Variants in FAF1 observed in about 807,000 individuals in gnomAD.
FAF1 encodes Fas associated factor 1.
FAF1 carries 25 observed loss-of-function variants against 92.5 expected under a neutral mutation model. The observed-to-expected ratio is 0.27, with a 90% CI of 0.20 to 0.38. The LOEUF is 0.38. FAF1 is among the 10% of genes least tolerant of loss of function. FAF1 has a pLI of 1.00. For synonymous variants in FAF1, 234 were observed against 273.2 expected (o/e 0.86, Z 1.42); for missense variants, 636 against 793.3 (o/e 0.80, Z 2.38).
chr1:50,735,919 A>G (rs1659119401), intron 6 of FAF1, among the ~76,000 whole-genome samples: 1 of 152,080 alleles, frequency 6.6e-6, no homozygotes, highest in African/African-American at 2.4e-5. Context: ...CAGTCTCGCT[A>G]TGTTCTCCAG....
intron 2 of FAF1, among the ~76,000 whole-genome samples, chr1:50,813,285 T>C (rs1198181854): frequency 1.3e-5 from 2 of 152,152 alleles, no homozygotes; most frequent in Non-Finnish European, 2.9e-5. Flanking sequence ...ATTAAACTTA[T>C]ACATACTTAT....
rs768371770 is a variant in FAF1 at position 50,439,307 on chromosome 1, T to A, written c.*2133A>T. On this transcript the variant is annotated 3_prime_UTR_variant, in exon 19 of 19. Transcript: ENST00000396153. ...TTGTCTGAAGCTTAGTAGACCATCA[T>A]GTCCTGAGTGAACAGTGACAATTAG... is the stretch of plus-strand genomic sequence containing the variant. 6.6e-6 allele frequency: 1 copy of A among 152,258 alleles called. No homozygotes were observed. 9.4% of individuals were successfully genotyped at this position (152,258 alleles called of 1,614,324 possible).
At chr1:50,881,610 T>C (rs1178787758) in intron 1 of FAF1, among the ~76,000 whole-genome samples, 2 of 152,180 alleles carry the variant, frequency 1.3e-5, no homozygotes, top group East Asian at 1.9e-4. Flanking sequence ...CTTCCATACA[T>C]GTCAGTAAGT....
intron 15 of FAF1, among the ~76,000 whole-genome samples, chr1:50,530,188 C>T (rs1481029761): frequency 1.3e-5 from 2 of 151,242 alleles, no homozygotes; most frequent in African/African-American, 4.9e-5. Flanking sequence ...AGGGAAAATT[C>T]TCTTAACAGA....
At chr1:50,576,692 G>A (rs760644188) in intron 12 of FAF1, among the ~76,000 whole-genome samples, 15 of 151,406 alleles carry the variant, frequency 9.9e-5, no homozygotes, top group Admixed American at 5.3e-4. Context: ...GCCCAGGCTG[G>A]AGTGCAGTGG....
At chr1:50,949,240 G>A (rs929392539) in intron 1 of FAF1, among the ~76,000 whole-genome samples, 1 of 152,212 alleles carries the variant, frequency 6.6e-6, no homozygotes, top group East Asian at 1.9e-4. Flanking sequence ...TGGGGGTCCA[G>A]CAACCTGTGG....
At chr1:50,874,892 G>A (rs1011630774) in intron 1 of FAF1, among the ~76,000 whole-genome samples, 1 of 148,288 alleles carries the variant, frequency 6.7e-6, no homozygotes, top group South Asian at 2.1e-4. Context: ...GTCTCAGCCT[G>A]TAATGTAGCT....
At chr1:50,855,472 T>C (rs1202861372) in intron 2 of FAF1, among the ~76,000 whole-genome samples, 2 of 151,778 alleles carry the variant, frequency 1.3e-5, no homozygotes, top group East Asian at 1.9e-4. Context: ...TACAGACATA[T>C]CCGAGGTTAC....
At chr1:50,834,363 T>G (rs1453309191) in intron 2 of FAF1, among the ~76,000 whole-genome samples, 1 of 152,232 alleles carries the variant, frequency 6.6e-6, no homozygotes, top group African/African-American at 2.4e-5. Context: ...CAACACATCC[T>G]ACACATTCTG....
chr1:50,677,851 C>T (rs1245400072), intron 7 of FAF1, among the ~76,000 whole-genome samples: 4 of 143,164 alleles, frequency 2.8e-5, no homozygotes, highest in Admixed American at 1.4e-4. Context: ...GCCGAGATTA[C>T]ACCATTGCAC....
At chr1:50,914,288 T>C (rs1194628774) in intron 1 of FAF1, among the ~76,000 whole-genome samples, 2 of 152,180 alleles carry the variant, frequency 1.3e-5, no homozygotes, top group African/African-American at 4.8e-5. Flanking sequence ...GGAAATTTGG[T>C]TTATGATACC....
chr1:50,512,474 C>T (rs1221074677), intron 15 of FAF1, among the ~76,000 whole-genome samples: 1 of 152,142 alleles, frequency 6.6e-6, no homozygotes, highest in Non-Finnish European at 1.5e-5. Context: ...CCAGTTTTCC[C>T]AACACTATTT....
chr1:50,575,453 A>AT (rs1303355903), intron 12 of FAF1, among the ~76,000 whole-genome samples: 2 of 152,186 alleles, frequency 1.3e-5, no homozygotes, highest in African/African-American at 2.4e-5. Flanking sequence ...ATGTTTATAG[A>AT]TTTTTTTAAA....
rs528322924 is a variant in FAF1, at chr1:50,836,951, C to CTTTT, written c.114+20974_114+20977dup. 6.6e-3 allele frequency among the ~76,000 whole-genome samples: 509 copies of CTTTT among 76,716 alleles called. 13 individuals carry two copies. Among genetic ancestry groups the CTTTT allele is most frequent in the African/African-American group, 0.012 (228 of 19,334 alleles). The allele number at this position is 76,716 out of a possible 152,430, so 50.3% of individuals were successfully genotyped here. A position where few individuals can be genotyped will look rare whatever the true frequency, so the allele number is the denominator to read the frequency against. On this transcript the variant is annotated intron_variant, in intron 2 of 18. Transcript: ENST00000396153. ...TCTCTTACAAGTGTATGTTATGTTTCTTTTTTTTTTTTTTTTTTTTTTTTG... is the reference window on the plus strand; with the variant it reads ...TCTCTTACAAGTGTATGTTATGTTTCTTTTTTTTTTTTTTTTTTTTTTTTTTTTG...
intron 2 of FAF1, among the ~76,000 whole-genome samples, chr1:50,837,747 CTTT>C (rs112915276): frequency 4.9e-5 from 7 of 141,518 alleles, no homozygotes; most frequent in Non-Finnish European, 3.1e-5. Flanking sequence ...GGGGAAGCTC[CTTT>C]TTTTTTTTTT....
intron 1 of FAF1, among the ~76,000 whole-genome samples, chr1:50,934,364 A>T (rs527315057): frequency 6.6e-6 from 1 of 152,286 alleles, no homozygotes; most frequent in South Asian, 2.1e-4. Context: ...ACCCAAAGAA[A>T]TTTCTTTATA....
chr1:50,453,290 A>G (rs1646314747), intron 18 of FAF1, among the ~76,000 whole-genome samples: 1 of 152,178 alleles, frequency 6.6e-6, no homozygotes, highest in South Asian at 2.1e-4. Flanking sequence ...GGAGAAAGTG[A>G]GCATTTTGAA....
At chr1:50,860,174 C>T (rs563542051) in intron 1 of FAF1, among the ~76,000 whole-genome samples, 1 of 151,892 alleles carries the variant, frequency 6.6e-6, no homozygotes, top group East Asian at 1.9e-4. Context: ...CTAAGAAATG[C>T]CATTCTGGAC....
intron 1 of FAF1, among the ~76,000 whole-genome samples, chr1:50,868,990 A>G (rs1338614755): frequency 6.6e-6 from 1 of 152,124 alleles, no homozygotes; most frequent in Non-Finnish European, 1.5e-5. Context: ...ACTGAGAGAG[A>G]ACTCTGAAAA....
Sources: allele counts gnomAD v4.1 joint callset (sites outside exome capture counted in the v4.1 genomes callset), GRCh38; gene constraint gnomAD v4.1.1; transcripts MANE v1.5; gene names NCBI Gene and HGNC (gene_info 2026-07-23, HGNC 2026-07-21).